Variants in DLG3 observed in about 807,000 individuals in gnomAD.
DLG3 encodes discs large MAGUK scaffold protein 3.
A neutral mutation model predicts 64.1 loss-of-function variants in DLG3; 1 was observed. The ratio of observed to expected loss-of-function variants is 0.02; its 90% CI spans 0.01 to 0.07. The LOEUF is 0.07. Ranked by LOEUF, DLG3 falls within the 10% of genes least tolerant of loss-of-function variation. The pLI, the probability that DLG3 is intolerant of heterozygous loss-of-function variation, is 1.00. For missense variants in DLG3, 429 were observed against 669.5 expected (o/e 0.64, Z 3.96); for synonymous variants, 245 against 259.8 (o/e 0.94, Z 0.55).
chrX:70,447,930 C>G (rs923824848), intron 1 of DLG3, among the ~76,000 whole-genome samples: 2 of 112,021 alleles, frequency 1.8e-5, no homozygotes, highest in African/African-American at 6.5e-5. Context: ...AAACCATGGA[C>G]TCTGCTGCCA....
intron 4 of DLG3, 52 bp downstream of exon 4, chrX:70,449,911 C>T: frequency 7.0e-6 from 8 of 1,139,924 alleles, no homozygotes; most frequent in Non-Finnish European, 8.2e-6. Flanking sequence ...GCCCCAGATC[C>T]CATCTTGCCC....
At chrX:70,495,945 G>A (rs2087447025) in intron 13 of DLG3, among the ~76,000 whole-genome samples, 3 of 111,420 alleles carry the variant, frequency 2.7e-5, no homozygotes, top group South Asian at 3.9e-4. Flanking sequence ...AGCAGATCCC[G>A]GGCCTCAGCA....
intron 10 of DLG3, among the ~76,000 whole-genome samples, chrX:70,487,139 G>C (rs1444722213): frequency 8.9e-6 from 1 of 112,098 alleles, no homozygotes; most frequent in Non-Finnish European, 1.9e-5. Flanking sequence ...TCTTTTACTG[G>C]TTTTATTTCC....
intron 10 of DLG3, among the ~76,000 whole-genome samples, chrX:70,480,604 G>A (rs1335901846): frequency 8.9e-6 from 1 of 112,042 alleles, no homozygotes; most frequent in Non-Finnish European, 1.9e-5. Flanking sequence ...TGTCACTAAA[G>A]CCCTTGCTCC....
chrX:70,450,524 T>C, intron 5 of DLG3, 115 bp from the exon 6 acceptor site: 1 of 1,012,962 alleles, frequency 9.9e-7, no homozygotes, highest in South Asian at 2.0e-5. Context: ...CTCACAGCAC[T>C]ATACTTGGGC....
intron 10 of DLG3, among the ~76,000 whole-genome samples, chrX:70,487,905 C>T (rs1602965414): frequency 9.2e-6 from 1 of 109,167 alleles, no homozygotes; most frequent in East Asian, 2.9e-4. Context: ...CCCGCCTCAG[C>T]CTCCCAAAGT....
intron 18 of DLG3, among the ~76,000 whole-genome samples, chrX:70,501,409 C>CTGTGTGTGTGTGTGTGTGTGTGTG (rs796396273): frequency 2.7e-5 from 2 of 75,163 alleles, no homozygotes; most frequent in African/African-American, 1.0e-4. Context: ...GTCTGTCTGT[C>CTGTGTGTGTGTGTGTGTGTGTGTG]TGTCTGTGTG....
rs1478686682 is a variant in DLG3, at chrX:70,445,450, G to T, written c.249G>T (p.Gly83=). The T allele has an allele frequency of 4.9e-5, 59 of 1,201,787 alleles. No homozygotes were observed. The highest frequency in any genetic ancestry group is 6.5e-5 in the Non-Finnish European group (58 of 891,444). The change falls in exon 1 of 19, where the codon GGG becomes GGT. Residue 83 remains glycine, a synonymous_variant. Transcript: ENST00000374360. ...TCATCCCCACCGGCCGGGATGTGGG[G>T]CCGGTGCCTCCTAAGCCAGTCCCGG... The part of the protein sequence containing the change: ...AKLIPTGRDV[G]PVPPKPVPGK...
In DLG3 at chrX:70,445,355, G is replaced by C. The variant is rs1347682459; in HGVS notation, c.154G>C (p.Gly52Arg). ...GGGCAACGGCGCCAGCGCGGGTTAT[G>C]GGGGCTACAGCTCGCAGACCTTGCC... ...GGGNGASAGYGGYSSQTLPSQ... is the reference protein window; with the variant it reads ...GGGNGASAGYRGYSSQTLPSQ... The change falls in exon 1 of 19, where the codon GGG becomes CGG. Residue 52 changes from glycine to arginine, a missense_variant. Gly to Arg is a moderately radical substitution (Grantham distance 125, BLOSUM62 -2). Transcript: ENST00000374360. 3 of 1,173,665 alleles carry C rather than the reference G, an allele frequency of 2.6e-6. No individual in the cohort carries two copies. The highest frequency in any genetic ancestry group is 3.4e-6 in the Non-Finnish European group (3 of 877,470).
intron 10 of DLG3, among the ~76,000 whole-genome samples, chrX:70,484,380 T>C (rs2087217993): frequency 8.9e-6 from 1 of 111,970 alleles, no homozygotes; most frequent in Admixed American, 9.5e-5. Context: ...TGCTCATTCC[T>C]GTCAACAAGC....
rs149154322 is a variant in DLG3 at position 70,448,748 on chromosome X, G to C, written c.358-165G>C. 1,532 of 956,703 alleles carry C rather than the reference G, an allele frequency of 1.6e-3. 14 individuals carry two copies. The African/African-American group carries it at 0.026, about 16-fold the overall frequency. The allele number at this position is 956,703 out of a possible 1,213,427, so 78.8% of individuals were successfully genotyped here. ...CAGGGATTGGTGGGGTGAGTGAGGA[G>C]CGGCCTCTTCCAGGTCAGCCTGTCC... On this transcript the variant is annotated intron_variant, in intron 1 of 18. Transcript: ENST00000374360.
intron 10 of DLG3, among the ~76,000 whole-genome samples, chrX:70,483,598 C>A (rs2087204707): frequency 8.9e-6 from 1 of 112,370 alleles, no homozygotes; most frequent in South Asian, 3.7e-4. Context: ...CATGTGTTTG[C>A]AAAGCTATTT....
intron 10 of DLG3, among the ~76,000 whole-genome samples, chrX:70,482,331 A>G (rs2087168979): frequency 8.9e-6 from 1 of 112,533 alleles, no homozygotes. Context: ...AGTGTCTTCA[A>G]GATAAAGGGG....
At chrX:70,500,430 A>G (rs1348951410) in intron 16 of DLG3, 41 bp from the exon 17 acceptor site, 1 of 1,031,503 alleles carries the variant, frequency 9.7e-7, no homozygotes, top group Non-Finnish European at 1.3e-6. Context: ...GGACTTGGTG[A>G]ATAGGGAGTG....
intron 9 of DLG3, among the ~76,000 whole-genome samples, chrX:70,471,474 C>T (rs1212040748): frequency 9.1e-6 from 1 of 109,976 alleles, no homozygotes; most frequent in Non-Finnish European, 1.9e-5. Flanking sequence ...GGACTACAGG[C>T]GCCCGCCACC....
chrX:70,479,833 GA>G (rs991645990), intron 10 of DLG3, among the ~76,000 whole-genome samples: 8 of 111,325 alleles, frequency 7.2e-5, no homozygotes, highest in African/African-American at 2.6e-4. Flanking sequence ...TAGGAAGAGG[GA>G]GGGGGTGGAG....
At chrX:70,499,118 T>G (rs1226233456) in intron 14 of DLG3, 58 bp from the exon 15 acceptor site, 1 of 867,326 alleles carries the variant, frequency 1.2e-6, no homozygotes. Flanking sequence ...GACTCAGGGG[T>G]AGGACAGGCT....
At chrX:70,480,277 G>A (rs1050182454) in intron 10 of DLG3, among the ~76,000 whole-genome samples, 1 of 112,319 alleles carries the variant, frequency 8.9e-6, no homozygotes, top group African/African-American at 3.2e-5. Context: ...CAACTGCTCT[G>A]TCCTTGGGGT....
chrX:70,487,233 C>T (rs1041229569), intron 10 of DLG3, among the ~76,000 whole-genome samples: 12 of 111,506 alleles, frequency 1.1e-4, no homozygotes, highest in Admixed American at 7.6e-4. Flanking sequence ...GAATGTCAAA[C>T]TCCTTAGCTG....
Sources: gnomAD v4.1 joint callset for allele counts (sites outside exome capture counted in the v4.1 genomes callset) on GRCh38, gnomAD v4.1.1 for gene constraint, MANE v1.5 for transcripts, NCBI Gene and HGNC (gene_info 2026-07-23, HGNC 2026-07-21) for gene names.